The following MYO9A variants were observed in gnomAD, a reference collection of about 807,000 sequenced individuals.
MYO9A encodes the protein myosin IXA, also known as unconventional myosin-IXa.
Under a neutral mutation model 293.3 loss-of-function variants are expected in MYO9A, and 103 were observed. That is an observed-to-expected ratio of 0.35 (90% CI 0.30 to 0.41). MYO9A has a LOEUF of 0.41. MYO9A is among the 10% of genes least tolerant of loss of function. The probability of loss-of-function intolerance (pLI) is 1.00; values close to 1 mark genes in which losing one functional copy is unlikely to be tolerated. For missense variants in MYO9A, 2,685 were observed against 3,033.0 expected (o/e 0.89, Z 2.69); for synonymous variants, 1,001 against 1,035.7 (o/e 0.97, Z 0.64).
At chr15:71,951,364 C>T (rs777563061) in intron 15 of MYO9A, among the ~76,000 whole-genome samples, 20 of 151,996 alleles carry the variant, frequency 1.3e-4, no homozygotes, top group African/African-American at 4.8e-4. Context: ...TGCCTACATA[C>T]GTCAAAACTT....
chr15:72,088,250 A>C (rs2150538282), intron 1 of MYO9A, among the ~76,000 whole-genome samples: 1 of 152,362 alleles, frequency 6.6e-6, no homozygotes, highest in Admixed American at 6.5e-5. Flanking sequence ...AGTCTTTGGC[A>C]CACAATTATT....
chr15:72,053,277 G>T (rs560519729), intron 1 of MYO9A, among the ~76,000 whole-genome samples: 1 of 151,844 alleles, frequency 6.6e-6, no homozygotes, highest in African/African-American at 2.4e-5. Flanking sequence ...AGGGTGCTGC[G>T]TGCCTGTAAT....
intron 8 of MYO9A, among the ~76,000 whole-genome samples, chr15:72,002,179 A>G (rs998486296): frequency 2.0e-5 from 3 of 151,900 alleles, no homozygotes; most frequent in African/African-American, 7.3e-5. Flanking sequence ...TCAAAGCTAC[A>G]GTGAGCCATG....
chr15:71,887,931 G>T, intron 27 of MYO9A, 73 bp downstream of exon 27: 2 of 824,690 alleles, frequency 2.4e-6, no homozygotes, highest in Non-Finnish European at 3.7e-6. Flanking sequence ...TTTTAAAAAA[G>T]CTCAGTACTT....
At chr15:71,992,229 C>T (rs1243568957) in intron 10 of MYO9A, among the ~76,000 whole-genome samples, 1 of 152,162 alleles carries the variant, frequency 6.6e-6, no homozygotes. Flanking sequence ...TGGTAGAATA[C>T]AGAACATAAA....
chr15:71,883,469 TG>T, intron 28 of MYO9A, 124 bp downstream of exon 28: 1 of 997,308 alleles, frequency 1.0e-6, no homozygotes. Flanking sequence ...TTAACAATGC[TG>T]GTCCTATCTC....
At chr15:72,102,971 T>C (rs78473344) in intron 1 of MYO9A, among the ~76,000 whole-genome samples, 1 of 150,666 alleles carries the variant, frequency 6.6e-6, no homozygotes, top group Admixed American at 6.6e-5. Context: ...TTATATATGG[T>C]TTTTTTTGTT....
At chr15:71,935,519 A>T (rs1192090665) in intron 16 of MYO9A, 35 bp from the exon 17 acceptor site, 1 of 1,587,918 alleles carries the variant, frequency 6.3e-7, no homozygotes, top group Admixed American at 1.7e-5. Flanking sequence ...GTTAATGAAG[A>T]CGTCTCTAAC....
intron 39 of MYO9A, 106 bp from the exon 40 acceptor site, chr15:71,830,417 A>G (rs2054674902): frequency 9.4e-7 from 1 of 1,065,100 alleles, no homozygotes; most frequent in Non-Finnish European, 1.4e-6. Flanking sequence ...GTGAATGATA[A>G]GAATAAATGG....
intron 1 of MYO9A, among the ~76,000 whole-genome samples, chr15:72,066,797 C>A (rs1002938340): frequency 6.6e-6 from 1 of 151,666 alleles, no homozygotes; most frequent in Non-Finnish European, 1.5e-5. Flanking sequence ...TGCTTGAACC[C>A]GGGAGGCAGA....
rs930352048 is a variant in MYO9A at position 71,968,076 on chromosome 15, G to A, written c.1894C>T (p.His632Tyr). The change falls in exon 13 of 42, where the codon CAT becomes TAT. Residue 632 changes from histidine (H) to tyrosine (Y), a missense_variant. Coordinates refer to ENST00000356056, the MANE Select transcript of MYO9A (RefSeq NM_006901.4). ...QTLLDKFKHQ[H>Y]EDNSYIEFPA... ...AATTCGATGTAAGAATTATCTTCAT[G>A]TTGATGCTTAAACTTGTCTAGCAAT... 3 of 1,611,122 alleles carry A rather than the reference G, an allele frequency of 1.9e-6. No homozygotes were observed. Among genetic ancestry groups the A allele is most frequent in the Non-Finnish European group, 2.5e-6 (3 of 1,178,500 alleles).
At chr15:71,837,440 T>G (rs1320913494) in intron 39 of MYO9A, among the ~76,000 whole-genome samples, 2 of 152,158 alleles carry the variant, frequency 1.3e-5, no homozygotes, top group African/African-American at 4.8e-5. Flanking sequence ...CAGTTCCATT[T>G]GACATTGACT....
chr15:71,883,081 G>A (rs544083549), intron 28 of MYO9A, among the ~76,000 whole-genome samples: 69 of 152,258 alleles, frequency 4.5e-4, no homozygotes, highest in Non-Finnish European at 9.3e-4. Context: ...TGGGATTACA[G>A]GTGTGAACCA....
intron 39 of MYO9A, among the ~76,000 whole-genome samples, chr15:71,846,008 CAGTG>C (rs2055368940): frequency 6.6e-6 from 1 of 152,140 alleles, no homozygotes; most frequent in Admixed American, 6.5e-5. Flanking sequence ...TATTTGTTGT[CAGTG>C]AGTAAATTTC....
Position 72,027,804 on chromosome 15 carries a change from A to G in MYO9A, c.936-11T>C. On this transcript the variant is annotated splice_polypyrimidine_tract_variant and intron_variant, in intron 3 of 41. Coordinates refer to ENST00000356056, the MANE Select transcript of MYO9A (RefSeq NM_006901.4). ...TTTTCAACATAGGCACTACAAGAAAAATTAAATTGGTTGATATAAATAATA... is the reference window on the plus strand; with the variant it reads ...TTTTCAACATAGGCACTACAAGAAAGATTAAATTGGTTGATATAAATAATA... 6.3e-7 allele frequency: 1 copy of G among 1,584,254 alleles called. No individual in the cohort carries two copies. Among genetic ancestry groups the G allele is most frequent in the Non-Finnish European group, 8.6e-7 (1 of 1,161,002 alleles).
intron 23 of MYO9A, 73 bp downstream of exon 23, chr15:71,901,118 A>G (rs2057470187): frequency 2.0e-6 from 3 of 1,467,362 alleles, no homozygotes; most frequent in South Asian, 2.7e-5. Flanking sequence ...GTTTTACAGT[A>G]AAAAGGTTCT....
chr15:72,064,416 T>C (rs1235771180), intron 1 of MYO9A, among the ~76,000 whole-genome samples: 1 of 152,180 alleles, frequency 6.6e-6, no homozygotes, highest in African/African-American at 2.4e-5. Flanking sequence ...TGTCAAAATA[T>C]CTCAAGTACC....
chr15:71,873,046 G>A (rs1465373576), intron 32 of MYO9A, among the ~76,000 whole-genome samples: 1 of 151,910 alleles, frequency 6.6e-6, no homozygotes, highest in Non-Finnish European at 1.5e-5. Context: ...CCGAGCAGCT[G>A]GGATTACAGG....
chr15:72,051,133 T>G (rs2078548416), intron 1 of MYO9A, among the ~76,000 whole-genome samples: 3 of 152,204 alleles, frequency 2.0e-5, no homozygotes, highest in Admixed American at 2.0e-4. Flanking sequence ...GGCACAATCA[T>G]GGCTCACTGC....
Sources: gnomAD v4.1 joint callset for allele counts (sites outside exome capture counted in the v4.1 genomes callset) on GRCh38, gnomAD v4.1.1 for gene constraint, MANE v1.5 for transcripts, NCBI Gene and HGNC (gene_info 2026-07-23, HGNC 2026-07-21) for gene names.